The following FILIP1L variants were observed in gnomAD, a reference collection of about 807,000 sequenced individuals.
FILIP1L encodes the protein filamin A interacting protein 1 like, also known as filamin A-interacting protein 1-like.
A neutral mutation model predicts 96.6 loss-of-function variants in FILIP1L; 55 were observed. That is an observed-to-expected ratio of 0.57 (90% CI 0.46 to 0.71). FILIP1L has a LOEUF of 0.71. FILIP1L is among the 30% of genes least tolerant of loss of function. The probability of loss-of-function intolerance (pLI) is 0.00; values close to 1 mark genes in which losing one functional copy is unlikely to be tolerated. For missense variants in FILIP1L, 1,304 were observed against 1,321.2 expected (o/e 0.99, Z 0.20); for synonymous variants, 467 against 473.9 (o/e 0.99, Z 0.19).
intron 1 of FILIP1L, among the ~76,000 whole-genome samples, chr3:100,048,580 A>G (rs1403628314): frequency 2.6e-5 from 4 of 152,210 alleles, no homozygotes; most frequent in Non-Finnish European, 4.4e-5. Flanking sequence ...GAAACTGAGC[A>G]TGGTAATTGA....
intron 1 of FILIP1L, among the ~76,000 whole-genome samples, chr3:100,111,838 G>A (rs79525477): frequency 0.022 from 3,360 of 152,292 alleles, 113 homozygotes; most frequent in East Asian, 0.17. Flanking sequence ...GCACTAAAAT[G>A]TGTTTTCTAA....
chr3:100,086,114 T>C (rs1442166943), intron 1 of FILIP1L, among the ~76,000 whole-genome samples: 1 of 152,240 alleles, frequency 6.6e-6, no homozygotes, highest in Non-Finnish European at 1.5e-5. Context: ...GAAATAAACA[T>C]GTATCTTTCT....
chr3:99,910,914 G>A (rs1358346677), intron 4 of FILIP1L, among the ~76,000 whole-genome samples: 2 of 152,168 alleles, frequency 1.3e-5, no homozygotes, highest in Non-Finnish European at 2.9e-5. Context: ...GGTTAGCTGA[G>A]CAACCCTTTT....
intron 5 of FILIP1L, among the ~76,000 whole-genome samples, chr3:99,847,098 T>C (rs1286355178): frequency 6.6e-6 from 1 of 152,192 alleles, no homozygotes; most frequent in Admixed American, 6.5e-5. Context: ...ACAGAAGAAA[T>C]TCACACTATA....
chr3:99,835,076 T>C (rs1224460923), intron 5 of FILIP1L, among the ~76,000 whole-genome samples: 1 of 152,194 alleles, frequency 6.6e-6, no homozygotes, highest in African/African-American at 2.4e-5. Flanking sequence ...AATCCTAACT[T>C]CTTTGATTGT....
intron 4 of FILIP1L, among the ~76,000 whole-genome samples, chr3:99,857,721 C>T (rs1435615701): frequency 6.6e-6 from 1 of 152,180 alleles, no homozygotes; most frequent in Non-Finnish European, 1.5e-5. Context: ...ATTAATGGTA[C>T]TGTATTGTTT....
chr3:99,932,944 G>A (rs1421621815), intron 1 of FILIP1L, among the ~76,000 whole-genome samples: 1 of 152,156 alleles, frequency 6.6e-6, no homozygotes, highest in Non-Finnish European at 1.5e-5. Flanking sequence ...CTGGAAGTGA[G>A]GGAGCACTTA....
chr3:100,090,483 C>CT lies in FILIP1L; in HGVS notation c.-11+23569dup, dbSNP rs1357470732. On this transcript the variant is annotated intron_variant, in intron 1 of 5. Coordinates refer to ENST00000477258, the MANE Select transcript of FILIP1L (RefSeq NM_001387850.1). The stretch of plus-strand genomic sequence containing the variant: ...CACCTCTGATTTTCTGAGTCATAGT[C>CT]TTTGAGAGCAAAACCAGGCGACAGA... Among the ~76,000 whole-genome samples, 13 of 152,280 alleles carry CT rather than the reference C, an allele frequency of 8.5e-5. No individual in the cohort carries two copies. The East Asian group carries it at 2.5e-3, about 29-fold the overall frequency.
At chr3:99,840,013 G>A (rs985846279) in intron 5 of FILIP1L, among the ~76,000 whole-genome samples, 1 of 152,090 alleles carries the variant, frequency 6.6e-6, no homozygotes, top group African/African-American at 2.4e-5. Flanking sequence ...GCCATGTCTG[G>A]AGATATTATT....
chr3:99,910,779 A>C (rs1706762581), intron 4 of FILIP1L, among the ~76,000 whole-genome samples: 1 of 83,538 alleles, frequency 1.2e-5, no homozygotes, highest in African/African-American at 3.1e-5. Flanking sequence ...GATAACTAGA[A>C]TATTTATGCC....
chr3:100,091,993 G>C (rs1378059322), intron 1 of FILIP1L, among the ~76,000 whole-genome samples: 1 of 152,212 alleles, frequency 6.6e-6, no homozygotes, highest in Non-Finnish European at 1.5e-5. Flanking sequence ...AGGGCAAGTT[G>C]CTTGATCTCT....
intron 4 of FILIP1L, among the ~76,000 whole-genome samples, chr3:99,859,157 T>C (rs942088741): frequency 1.8e-4 from 28 of 152,262 alleles, no homozygotes; most frequent in African/African-American, 5.8e-4. Context: ...TTTTTATAAA[T>C]GGGTCCATCC....
At chr3:100,069,992 CA>C (rs1389920859) in intron 1 of FILIP1L, among the ~76,000 whole-genome samples, 7 of 151,992 alleles carry the variant, frequency 4.6e-5, no homozygotes, top group Admixed American at 2.0e-4. Flanking sequence ...CCTTTTATTT[CA>C]AACATAATTC....
intron 5 of FILIP1L, among the ~76,000 whole-genome samples, chr3:99,847,423 C>A (rs1396932318): frequency 1.3e-5 from 2 of 151,286 alleles, no homozygotes; most frequent in African/African-American, 4.9e-5. Flanking sequence ...TGGTTGTAGA[C>A]ATACATGTTC....
chr3:99,956,211 A>G (rs1708314954), intron 1 of FILIP1L, among the ~76,000 whole-genome samples: 1 of 152,004 alleles, frequency 6.6e-6, no homozygotes, highest in Non-Finnish European at 1.5e-5. Context: ...CACCCTTCAC[A>G]AACACCTTCA....
At chr3:100,099,858 C>T in intron 1 of FILIP1L, among the ~76,000 whole-genome samples, 1 of 152,056 alleles carries the variant, frequency 6.6e-6, no homozygotes. Flanking sequence ...GTAGAACATT[C>T]CAGGTGTGGT....
intron 1 of FILIP1L, among the ~76,000 whole-genome samples, chr3:100,108,221 G>C (rs2107470850): frequency 6.6e-6 from 1 of 152,178 alleles, no homozygotes; most frequent in African/African-American, 2.4e-5. Context: ...ATCTAACTAG[G>C]TCTTGTAGCA....
intron 1 of FILIP1L, among the ~76,000 whole-genome samples, chr3:100,061,132 TAAAA>T: frequency 6.6e-6 from 1 of 151,742 alleles, no homozygotes; most frequent in Admixed American, 6.6e-5. Flanking sequence ...AAGGCACTGT[TAAAA>T]TTTAAAAAAA....
At chr3:100,052,783 A>G (rs982434884) in intron 1 of FILIP1L, among the ~76,000 whole-genome samples, 8 of 152,234 alleles carry the variant, frequency 5.3e-5, no homozygotes, top group African/African-American at 9.6e-5. Flanking sequence ...TATACTGTAT[A>G]AGGTAAACTT....
Sources: allele counts gnomAD v4.1 joint callset (sites outside exome capture counted in the v4.1 genomes callset), GRCh38; gene constraint gnomAD v4.1.1; transcripts MANE v1.5; gene names NCBI Gene and HGNC (gene_info 2026-07-23, HGNC 2026-07-21).